Variants in ATXN7L1 observed in about 807,000 individuals in gnomAD.
ATXN7L1 encodes ataxin 7 like 1.
A neutral mutation model predicts 70.8 loss-of-function variants in ATXN7L1; 15 were observed. The observed-to-expected ratio is 0.21, with a 90% CI of 0.14 to 0.33. ATXN7L1 has a LOEUF of 0.33. Among genes scored for constraint, ATXN7L1 ranks in the 10% least tolerant of loss-of-function variants. The probability of loss-of-function intolerance (pLI) is 1.00; values close to 1 mark genes in which losing one functional copy is unlikely to be tolerated. For synonymous variants in ATXN7L1, 440 were observed against 445.1 expected (o/e 0.99, Z 0.14); for missense variants, 975 against 1,097.1 (o/e 0.89, Z 1.57).
intron 2 of ATXN7L1, among the ~76,000 whole-genome samples, chr7:105,871,579 G>A (rs144003733): frequency 0.11 from 17,008 of 151,922 alleles, 3,189 homozygotes; most frequent in African/African-American, 0.38. Context: ...GCGTGGTGGC[G>A]CATGCCTGGA....
intron 3 of ATXN7L1, among the ~76,000 whole-genome samples, chr7:105,702,565 G>GACACACAT (rs1554435275): frequency 6.8e-6 from 1 of 147,810 alleles, no homozygotes; most frequent in Non-Finnish European, 1.5e-5. Context: ...CACACACACA[G>GACACACAT]ACACACATAC....
chr7:105,777,191 G>A (rs1208797786), intron 3 of ATXN7L1, among the ~76,000 whole-genome samples: 1 of 152,184 alleles, frequency 6.6e-6, no homozygotes, highest in East Asian at 1.9e-4. Context: ...GATGCAGAGG[G>A]CAAAGGAGCC....
At chr7:105,668,098 A>G (rs939097810) in intron 3 of ATXN7L1, among the ~76,000 whole-genome samples, 2 of 152,238 alleles carry the variant, frequency 1.3e-5, no homozygotes, top group Non-Finnish European at 2.9e-5. Context: ...AAATTATGCA[A>G]GTAAACAAAG....
intron 4 of ATXN7L1, among the ~76,000 whole-genome samples, chr7:105,646,419 T>C (rs1270430064): frequency 6.6e-6 from 1 of 152,174 alleles, no homozygotes; most frequent in South Asian, 2.1e-4. Flanking sequence ...GCCAGGTGTT[T>C]TTTTGTTTTG....
chr7:105,745,130 G>GT (rs1364720897), intron 3 of ATXN7L1, among the ~76,000 whole-genome samples: 1 of 152,158 alleles, frequency 6.6e-6, no homozygotes, highest in African/African-American at 2.4e-5. Flanking sequence ...CTCTGGTTAT[G>GT]TAAGAGAATA....
At chr7:105,752,399 C>T (rs977163944) in intron 3 of ATXN7L1, among the ~76,000 whole-genome samples, 5 of 152,172 alleles carry the variant, frequency 3.3e-5, no homozygotes, top group African/African-American at 1.2e-4. Flanking sequence ...CCTTTCCATC[C>T]TTGGAATCTC....
At chr7:105,755,007 A>G (rs1218138461) in intron 3 of ATXN7L1, among the ~76,000 whole-genome samples, 1 of 152,094 alleles carries the variant, frequency 6.6e-6, no homozygotes, top group Non-Finnish European at 1.5e-5. Flanking sequence ...TCCAGATATA[A>G]GCTGAAAAAT....
chr7:105,608,870 C>T (rs1253939034), intron 11 of ATXN7L1, among the ~76,000 whole-genome samples: 3 of 152,132 alleles, frequency 2.0e-5, no homozygotes, highest in Admixed American at 2.0e-4. Context: ...ACATCTCAGG[C>T]AACATAACAA....
chr7:105,607,937 G>C, intron 11 of ATXN7L1, 47 bp from the exon 12 acceptor site: 1 of 1,498,894 alleles, frequency 6.7e-7, no homozygotes. Context: ...ATACAGTTGA[G>C]ATTACCCATG....
At chr7:105,628,078 C>T (rs1006305496) in intron 7 of ATXN7L1, among the ~76,000 whole-genome samples, 3 of 151,296 alleles carry the variant, frequency 2.0e-5, no homozygotes, top group African/African-American at 2.4e-5. Context: ...CTCTTGACCT[C>T]GTGATCCACC....
intron 2 of ATXN7L1, among the ~76,000 whole-genome samples, chr7:105,868,534 C>G (rs1817808342): frequency 6.6e-6 from 1 of 152,160 alleles, no homozygotes; most frequent in African/African-American, 2.4e-5. Flanking sequence ...ATGGACAGCT[C>G]TCTAAGATAA....
intron 2 of ATXN7L1, among the ~76,000 whole-genome samples, chr7:105,805,077 C>G (rs907324739): frequency 6.6e-6 from 1 of 152,188 alleles, no homozygotes; most frequent in African/African-American, 2.4e-5. Context: ...TGACAACATA[C>G]ACACTTAAAA....
chr7:105,683,346 G>A (rs1006066445), intron 3 of ATXN7L1, among the ~76,000 whole-genome samples: 1 of 152,088 alleles, frequency 6.6e-6, no homozygotes, highest in African/African-American at 2.4e-5. Context: ...TCTTTAGGGG[G>A]TGTTGTTTTG....
chr7:105,677,812 G>C, intron 3 of ATXN7L1: 1 of 468,660 alleles, frequency 2.1e-6, no homozygotes, highest in Non-Finnish European at 2.8e-6. Flanking sequence ...AGGCTGATAA[G>C]AGAGGCCACC....
chr7:105,774,353 CTTTTTTTT>C (rs34037396), intron 3 of ATXN7L1, among the ~76,000 whole-genome samples: 8 of 135,404 alleles, frequency 5.9e-5, no homozygotes, highest in African/African-American at 2.3e-4. Context: ...GCCAGCAACC[CTTTTTTTT>C]TTTTTTTTGA....
chr7:105,763,911 T>C (rs1800888705), intron 3 of ATXN7L1, among the ~76,000 whole-genome samples: 1 of 152,136 alleles, frequency 6.6e-6, no homozygotes, highest in South Asian at 2.1e-4. Context: ...TGGAATGCAA[T>C]GGCGTGTTCT....
intron 9 of ATXN7L1, among the ~76,000 whole-genome samples, chr7:105,619,510 ATATATATATATATATATATATTTTTTTTT>A (rs1794511732): frequency 2.9e-4 from 4 of 13,562 alleles, no homozygotes; most frequent in Admixed American, 7.6e-4. Context: ...ATATATATAT[ATATATATATATATATATATATTTTTTTTT>A]TTTTTTTTTT....
chr7:105,656,122 C>G (rs1182022244), intron 4 of ATXN7L1, among the ~76,000 whole-genome samples: 1 of 152,224 alleles, frequency 6.6e-6, no homozygotes, highest in East Asian at 1.9e-4. Flanking sequence ...GGTCTGAGTT[C>G]CCCATCAATT....
chr7:105,684,618 T>C (rs936871791), intron 3 of ATXN7L1, among the ~76,000 whole-genome samples: 2 of 152,268 alleles, frequency 1.3e-5, no homozygotes, highest in African/African-American at 4.8e-5. Context: ...TTTAGTCTAC[T>C]GCTCCAGTCT....
Sources: allele counts gnomAD v4.1 joint callset (sites outside exome capture counted in the v4.1 genomes callset), GRCh38; gene constraint gnomAD v4.1.1; transcripts MANE v1.5; gene names NCBI Gene and HGNC (gene_info 2026-07-23, HGNC 2026-07-21).